The following BDNF variants were observed in gnomAD, a reference collection of about 807,000 sequenced individuals.
The protein encoded by BDNF is brain derived neurotrophic factor.
In BDNF, 1 loss-of-function variant was observed where a neutral mutation model predicts 19.5. The observed-to-expected ratio is 0.05, with a 90% CI of 0.02 to 0.24. The LOEUF (loss-of-function observed/expected upper bound fraction) is 0.24. Among genes scored for constraint, BDNF ranks in the 10% least tolerant of loss-of-function variants. The pLI, the probability that BDNF is intolerant of heterozygous loss-of-function variation, is 1.00. For synonymous variants in BDNF, 100 were observed against 121.6 expected, an observed-to-expected ratio of 0.82 and a Z score of 1.17; for missense variants, 195 against 317.6, an observed-to-expected ratio of 0.61 and a Z score of 2.93.
chr11:27,663,161 GCTTC>G (rs1158992481), intron 1 of BDNF, among the ~76,000 whole-genome samples: 3 of 152,210 alleles, frequency 2.0e-5, no homozygotes, highest in Admixed American at 6.5e-5. Flanking sequence ...TTAAGTAAGA[GCTTC>G]CAGGACAATT....
chr11:27,700,955 C>T (rs370426397), upstream of BDNF: 1 of 1,356,754 alleles, frequency 7.4e-7, no homozygotes, highest in Non-Finnish European at 9.8e-7. Flanking sequence ...GTGCGTTTCC[C>T]GGGCCACAGA....
intron 1 of BDNF, among the ~76,000 whole-genome samples, chr11:27,683,723 T>G (rs1857134613): frequency 1.3e-5 from 2 of 152,168 alleles, no homozygotes; most frequent in African/African-American, 4.8e-5. Context: ...TGTAGATGTG[T>G]GGCGTTATTT....
intron 1 of BDNF, among the ~76,000 whole-genome samples, chr11:27,693,370 G>T (rs560638398): frequency 3.3e-5 from 5 of 152,034 alleles, no homozygotes. Context: ...AACCGTGCCC[G>T]CAACTCTCTA....
intron 1 of BDNF, among the ~76,000 whole-genome samples, chr11:27,661,316 C>A (rs1463214726): frequency 6.6e-6 from 1 of 152,186 alleles, no homozygotes; most frequent in Non-Finnish European, 1.5e-5. Flanking sequence ...TATCTCCTAC[C>A]TTTTCTAACA....
At chr11:27,708,420 A>G (rs1337681163) in intron 1 of BDNF, among the ~76,000 whole-genome samples, 1 of 152,262 alleles carries the variant, frequency 6.6e-6, no homozygotes, top group Non-Finnish European at 1.5e-5. Flanking sequence ...ATGCTAATCT[A>G]CATGATGCCA....
In BDNF at chr11:27,658,932, A is replaced by C; in HGVS notation, c.-21-347T>G. 8.7e-7 allele frequency: 1 copy of C among 1,145,128 alleles called. No homozygotes were observed. The highest frequency in any genetic ancestry group is 1.1e-6 in the Non-Finnish European group (1 of 919,126). 70.9% of individuals were successfully genotyped at this position (1,145,128 alleles called of 1,614,324 possible). A position where few individuals can be genotyped will look rare whatever the true frequency, so the allele number is the denominator to read the frequency against. Reference sequence around the variant, plus strand: ...TTTAATGATCTCTGCTCATGCTGTCACGAGAAACACAAAATCATAAATGTT... The same window carrying C: ...TTTAATGATCTCTGCTCATGCTGTCCCGAGAAACACAAAATCATAAATGTT... On this transcript the variant is annotated intron_variant, in intron 1 of 1. Transcript: ENST00000356660. This position sits in a 1 kb window ranked among gnomAD's most constrained non-coding sequence, Gnocchi z 5.7.
intron 1 of BDNF, among the ~76,000 whole-genome samples, chr11:27,690,471 AG>A (rs1327233743): frequency 6.6e-6 from 1 of 152,066 alleles, no homozygotes; most frequent in Non-Finnish European, 1.5e-5. Flanking sequence ...ACTATGCACA[AG>A]TTTGCTTCCA....
chr11:27,668,089 A>C (rs1275379847), intron 1 of BDNF, among the ~76,000 whole-genome samples: 1 of 152,246 alleles, frequency 6.6e-6, no homozygotes, highest in African/African-American at 2.4e-5. Context: ...CAGTGCTTTC[A>C]AACTAGAACT....
At position 27,700,271 on chromosome 11, in the gene BDNF, C is replaced by G. The variant is rs1859750709; in HGVS notation, c.-129G>C. ...GTCCCCGTCGCGGTGCTGCTCCCCGCCGGCCCCACAGCAGCGGTGGGTGTC... is the reference window on the plus strand; with the variant it reads ...GTCCCCGTCGCGGTGCTGCTCCCCGGCGGCCCCACAGCAGCGGTGGGTGTC... On this transcript the variant is annotated 5_prime_UTR_variant, in exon 1 of 2. Coordinates refer to ENST00000356660, the MANE Select transcript of BDNF (RefSeq NM_001709.5). 9.1e-6 allele frequency: 9 copies of G among 985,498 alleles called. No homozygotes were observed. In the South Asian group the frequency reaches 3.8e-4, roughly 41 times the overall value. The allele number at this position is 985,498 out of a possible 1,614,324, so 61.0% of individuals were successfully genotyped here. A position where few individuals can be genotyped will look rare whatever the true frequency, so the allele number is the denominator to read the frequency against.
upstream of BDNF, among the ~76,000 whole-genome samples, chr11:27,704,298 T>C (rs1332366797): frequency 2.6e-5 from 4 of 152,228 alleles, no homozygotes; most frequent in Non-Finnish European, 5.9e-5. Context: ...TATGTTCTAA[T>C]ATGATCCTAA....
intron 1 of BDNF, among the ~76,000 whole-genome samples, chr11:27,707,724 C>T (rs1473625025): frequency 6.6e-6 from 1 of 152,060 alleles, no homozygotes; most frequent in African/African-American, 2.4e-5. Flanking sequence ...GAGAGTACAG[C>T]CATTAATTTA....
intron 1 of BDNF, among the ~76,000 whole-genome samples, chr11:27,713,086 A>G (rs1860401150): frequency 6.6e-6 from 1 of 150,904 alleles, no homozygotes; most frequent in African/African-American, 2.4e-5. Context: ...TTTAGTAGAG[A>G]CAGGGTTTTG....
chr11:27,659,665 G>A lies in BDNF; in HGVS notation c.-21-1080C>T, dbSNP rs533548701. On this transcript the variant is annotated intron_variant, in intron 1 of 1. Transcript: ENST00000356660. Reference sequence around the variant, plus strand: ...TGTGTGTGTGCGCGCGCGCGTGTGCGCGCGCTCTGAGTTTATCCTACTTTT... The same window carrying A: ...TGTGTGTGTGCGCGCGCGCGTGTGCACGCGCTCTGAGTTTATCCTACTTTT... The A allele has an allele frequency of 2.6e-4, 262 of 996,320 alleles. 3 individuals carry two copies. The highest frequency in any genetic ancestry group is 2.4e-3 in the African/African-American group (135 of 56,076). The allele number at this position is 996,320 out of a possible 1,614,324, so 61.7% of individuals were successfully genotyped here.
Position 27,664,359 on chromosome 11 carries a change from A to AG in BDNF, c.-21-5775dup, listed in dbSNP as rs551928743. Among the ~76,000 whole-genome samples the AG allele has an allele frequency of 4.3e-3, 661 of 152,134 alleles. 3 individuals are homozygous for AG. The highest frequency in any genetic ancestry group is 7.7e-3 in the South Asian group (37 of 4,822). The stretch of plus-strand genomic sequence containing the variant: ...TCCAGTCTTACTTACCTCCCTCCCT[A>AG]GGAGGGAGGTAGGACATACGTAACT... On this transcript the variant is annotated intron_variant, in intron 1 of 1. Transcript: ENST00000356660.
rs1852523596 is a variant in BDNF, at chr11:27,656,165, A to G, written c.*1656T>C. 6.6e-6 allele frequency: 1 copy of G among 152,146 alleles called. No individual in the cohort carries two copies. Among genetic ancestry groups the G allele is most frequent in the Non-Finnish European group, 1.5e-5 (1 of 68,022 alleles). 9.4% of individuals were successfully genotyped at this position (152,146 alleles called of 1,614,324 possible). A position where few individuals can be genotyped will look rare whatever the true frequency, so the allele number is the denominator to read the frequency against. Reference sequence around the variant, plus strand: ...TTTCCTGTTCCCTTTTCCCTTACCAAAAGTTCTCAAAAGATAAACCCTGGT... The same window carrying G: ...TTTCCTGTTCCCTTTTCCCTTACCAGAAGTTCTCAAAAGATAAACCCTGGT... On this transcript the variant is annotated 3_prime_UTR_variant, in exon 2 of 2. Coordinates refer to ENST00000356660, the MANE Select transcript of BDNF (RefSeq NM_001709.5).
chr11:27,717,989 G>A (rs1257243750), intron 1 of BDNF, among the ~76,000 whole-genome samples: 5 of 151,896 alleles, frequency 3.3e-5, no homozygotes. Flanking sequence ...CCAGAGACAC[G>A]AAATCTACAA....
rs372990680 is a variant in BDNF at position 27,678,120 on chromosome 11, T to C, written c.-21-19535A>G. On this transcript the variant is annotated intron_variant, in intron 1 of 1. Coordinates refer to ENST00000356660, the MANE Select transcript of BDNF (RefSeq NM_001709.5). ...TACATGACCATTTTTTACCAACAAA[T>C]TAGACAAATTCATGGGTGATCAAAT... Among the ~76,000 whole-genome samples the C allele has an allele frequency of 8.5e-5, 13 of 152,266 alleles. 1 individual carries two copies. The highest frequency in any genetic ancestry group is 3.1e-4 in the African/African-American group (13 of 41,544).
At chr11:27,714,719 C>T (rs1290893450) in intron 1 of BDNF, among the ~76,000 whole-genome samples, 2 of 151,940 alleles carry the variant, frequency 1.3e-5, no homozygotes, top group African/African-American at 2.4e-5. Flanking sequence ...CTTAATTTCC[C>T]CTACACTGCA....
chr11:27,711,230 G>A (rs1860314535), intron 1 of BDNF, among the ~76,000 whole-genome samples: 1 of 152,184 alleles, frequency 6.6e-6, no homozygotes, highest in Non-Finnish European at 1.5e-5. Flanking sequence ...AAAGATTGTT[G>A]TGAGGATTCA....
Sources: gnomAD v4.1 joint callset for allele counts (sites outside exome capture counted in the v4.1 genomes callset) on GRCh38, gnomAD v4.1.1 for gene constraint, Gnocchi (gnomAD v3.1) non-coding constraint, MANE v1.5 for transcripts, NCBI Gene and HGNC (gene_info 2026-07-23, HGNC 2026-07-21) for gene names.